Variants in CRTC3 observed in about 807,000 individuals in gnomAD.
CRTC3 encodes the protein CREB-regulated transcription coactivator 3.
Under a neutral mutation model 74.5 loss-of-function variants are expected in CRTC3, and 26 were observed. That is an observed-to-expected ratio of 0.35 (90% CI 0.26 to 0.48). The LOEUF is 0.48. CRTC3 is among the 20% of genes least tolerant of loss of function. The pLI is 0.99. For synonymous variants in CRTC3, 377 were observed against 325.8 expected (o/e 1.16, Z -1.69); for missense variants, 760 against 787.3 (o/e 0.97, Z 0.41).
intron 11 of CRTC3, among the ~76,000 whole-genome samples, chr15:90,631,766 G>A (rs1037872995): frequency 4.0e-5 from 6 of 150,594 alleles, no homozygotes; most frequent in African/African-American, 1.2e-4. Context: ...AGAAAAGAAA[G>A]AAATAGGGTC....
chr15:90,570,936 A>T (rs1967249149), intron 2 of CRTC3, among the ~76,000 whole-genome samples: 1 of 152,148 alleles, frequency 6.6e-6, no homozygotes, highest in South Asian at 2.1e-4. Flanking sequence ...AGCTTGGGGG[A>T]ATACAGCTAT....
At chr15:90,569,239 A>T (rs1300311268) in intron 2 of CRTC3, among the ~76,000 whole-genome samples, 1 of 150,822 alleles carries the variant, frequency 6.6e-6, no homozygotes, top group South Asian at 2.1e-4. Context: ...CCTGGCTTTA[A>T]GCCGTCTTCC....
At chr15:90,598,099 T>G in intron 3 of CRTC3, 1 of 263,126 alleles carries the variant, frequency 3.8e-6, no homozygotes, top group Non-Finnish European at 7.3e-6. Context: ...ACATGGAAGG[T>G]CTCAGGCCTG....
chr15:90,607,657 G>A lies in CRTC3; in HGVS notation c.577+179G>A, dbSNP rs550379833. Among the ~76,000 whole-genome samples the A allele has an allele frequency of 9.2e-5, 14 of 152,272 alleles. No individual in the cohort carries two copies. The South Asian group carries it at 1.9e-3, about 20-fold the overall frequency. On this transcript the variant is annotated intron_variant, in intron 6 of 14. Transcript: ENST00000268184. ...AGTCAGGATGGATGGAGCTCCCAGC[G>A]TCCCCTGCCTCTGCCCTGCTTCCTC...
intron 2 of CRTC3, among the ~76,000 whole-genome samples, chr15:90,542,680 CTG>C (rs1221362864): frequency 1.3e-5 from 2 of 152,214 alleles, no homozygotes; most frequent in African/African-American, 2.4e-5. Context: ...CTGCTGTCCT[CTG>C]TAGCAAAAGG....
At chr15:90,635,142 T>G in intron 11 of CRTC3, 2 of 594,108 alleles carry the variant, frequency 3.4e-6, no homozygotes, top group South Asian at 3.7e-5. Flanking sequence ...AAACTAATGA[T>G]AACTAATGAC....
At chr15:90,554,925 AT>A (rs1160471514) in intron 2 of CRTC3, among the ~76,000 whole-genome samples, 1 of 152,206 alleles carries the variant, frequency 6.6e-6, no homozygotes, top group African/African-American at 2.4e-5. Context: ...AATCAAGGGT[AT>A]CCCCACCCTG....
At chr15:90,570,662 T>C (rs930274757) in intron 2 of CRTC3, among the ~76,000 whole-genome samples, 3 of 152,156 alleles carry the variant, frequency 2.0e-5, no homozygotes, top group East Asian at 3.8e-4. Flanking sequence ...TTTGGGAGGC[T>C]GAGGCAGGTG....
In CRTC3 at chr15:90,602,353, T is replaced by TTCC. The variant is rs764242720; in HGVS notation, c.384_386dup (p.Ser129dup). 1 of 1,601,724 alleles carries TTCC rather than the reference T, an allele frequency of 6.2e-7. No homozygotes were observed. The highest frequency in any genetic ancestry group is 1.1e-5 in the South Asian group (1 of 90,336). ...ATGGTAGTGCTTTTGGAGCCAATTA[T>TTCC]TCCTCACAGCCTCTGGATGAGAGTT... is the stretch of plus-strand genomic sequence containing the variant. On this transcript the variant is annotated inframe_insertion, in exon 4 of 15. Transcript: ENST00000268184.
rs760700658 is a variant in CRTC3, at chr15:90,643,560, T to C, written c.*1420T>C. The C allele has an allele frequency of 8.7e-6, 2 of 229,494 alleles. No homozygotes were observed. The highest frequency in any genetic ancestry group is 2.2e-5 in the African/African-American group (1 of 45,046). 14.2% of individuals were successfully genotyped at this position (229,494 alleles called of 1,614,324 possible). On this transcript the variant is annotated 3_prime_UTR_variant, in exon 15 of 15. Transcript: ENST00000268184. Reference sequence around the variant, plus strand: ...ATTGCTTCAAGTAGAGATTCATTCTTTGAGGTTGAAAAAATAGTTTATAGT... The same window carrying C: ...ATTGCTTCAAGTAGAGATTCATTCTCTGAGGTTGAAAAAATAGTTTATAGT...
At chr15:90,594,749 A>C (rs1043302518) in intron 3 of CRTC3, 2 of 152,134 alleles carry the variant, frequency 1.3e-5, no homozygotes, top group African/African-American at 4.8e-5. Flanking sequence ...CTGATGAGGA[A>C]ACTGAGTGTG....
intron 2 of CRTC3, among the ~76,000 whole-genome samples, chr15:90,553,304 T>G (rs1313705127): frequency 6.6e-6 from 1 of 152,232 alleles, no homozygotes; most frequent in Non-Finnish European, 1.5e-5. Flanking sequence ...TGATTTTGAC[T>G]TCCAGCAGCA....
chr15:90,633,325 G>C (rs1969112490), intron 11 of CRTC3, among the ~76,000 whole-genome samples: 1 of 152,164 alleles, frequency 6.6e-6, no homozygotes, highest in Admixed American at 6.5e-5. Flanking sequence ...AAATTCTCTA[G>C]TAGCTCTATA....
At chr15:90,531,573 G>A (rs1357286169) in intron 1 of CRTC3, among the ~76,000 whole-genome samples, 1 of 152,092 alleles carries the variant, frequency 6.6e-6, no homozygotes, top group African/African-American at 2.4e-5. Flanking sequence ...AGAAGCTGAA[G>A]ATTTCAAGAA....
At chr15:90,613,430 C>T (rs1290355201) in intron 6 of CRTC3, among the ~76,000 whole-genome samples, 2 of 152,136 alleles carry the variant, frequency 1.3e-5, no homozygotes, top group Non-Finnish European at 2.9e-5. Flanking sequence ...GGCACTCTTC[C>T]TGTTGCCCCT....
chr15:90,545,578 T>G (rs990155095), intron 2 of CRTC3, among the ~76,000 whole-genome samples: 2 of 147,250 alleles, frequency 1.4e-5, no homozygotes, highest in Admixed American at 6.7e-5. Flanking sequence ...TTTTGTTTGT[T>G]TTTTTTTTTT....
In CRTC3 at chr15:90,645,139, A is replaced by G. The variant is rs564642131; in HGVS notation, c.*2999A>G. Reference sequence around the variant, plus strand: ...TCTTGTTGGCTCTTCTGATTTATGCACAGATGGTTCCCAGCATGTGTCCAG... The same window carrying G: ...TCTTGTTGGCTCTTCTGATTTATGCGCAGATGGTTCCCAGCATGTGTCCAG... On this transcript the variant is annotated 3_prime_UTR_variant, in exon 15 of 15. Transcript: ENST00000268184. 2.9e-4 allele frequency: 67 copies of G among 229,828 alleles called. No homozygotes were observed. Among genetic ancestry groups the G allele is most frequent in the African/African-American group, 1.5e-3 (67 of 45,230 alleles). The allele number at this position is 229,828 out of a possible 1,614,324, so 14.2% of individuals were successfully genotyped here. A position where few individuals can be genotyped will look rare whatever the true frequency, so the allele number is the denominator to read the frequency against.
chr15:90,560,225 G>A (rs1343591928), intron 2 of CRTC3, among the ~76,000 whole-genome samples: 2 of 152,128 alleles, frequency 1.3e-5, no homozygotes, highest in Non-Finnish European at 2.9e-5. Flanking sequence ...GTTGAGGGCT[G>A]GAACTCTGTG....
At chr15:90,556,491 G>A (rs985329796) in intron 2 of CRTC3, among the ~76,000 whole-genome samples, 2 of 152,124 alleles carry the variant, frequency 1.3e-5, no homozygotes, top group Non-Finnish European at 2.9e-5. Context: ...TATGTTGACT[G>A]TTCAAGAATG....
Sources: gnomAD v4.1 joint callset for allele counts (sites outside exome capture counted in the v4.1 genomes callset) on GRCh38, gnomAD v4.1.1 for gene constraint, MANE v1.5 for transcripts, NCBI Gene and HGNC (gene_info 2026-07-23, HGNC 2026-07-21) for gene names.